The following CLYBL variants were observed in gnomAD, a reference collection of about 807,000 sequenced individuals.
CLYBL encodes citramalyl-CoA lyase.
CLYBL carries 31 observed loss-of-function variants against 38.9 expected under a neutral mutation model. The ratio of observed to expected loss-of-function variants is 0.80; its 90% CI spans 0.60 to 1.08. The LOEUF (loss-of-function observed/expected upper bound fraction) is 1.08. CLYBL is among the 50% of genes least tolerant of loss of function. CLYBL has a pLI of 0.00. For missense variants in CLYBL, 434 were observed against 411.6 expected, an observed-to-expected ratio of 1.05 and a Z score of -0.47; for synonymous variants, 171 against 158.6, an observed-to-expected ratio of 1.08 and a Z score of -0.59.
intron 1 of CLYBL, among the ~76,000 whole-genome samples, chr13:99,695,067 C>T (rs1416077478): frequency 6.6e-6 from 1 of 152,072 alleles, no homozygotes; most frequent in Admixed American, 6.6e-5. Context: ...TTGGGTAAGC[C>T]GCGAATCCCC....
chr13:99,647,359 C>G (rs1487520285), intron 1 of CLYBL, among the ~76,000 whole-genome samples: 1 of 152,106 alleles, frequency 6.6e-6, no homozygotes, highest in Non-Finnish European at 1.5e-5. Flanking sequence ...GGAAGGCTCC[C>G]GCCCCACCTA....
At chr13:99,843,817 G>A (rs2051138753) in intron 2 of CLYBL, among the ~76,000 whole-genome samples, 2 of 152,144 alleles carry the variant, frequency 1.3e-5, no homozygotes, top group Non-Finnish European at 2.9e-5. Context: ...GGCCAGGCTG[G>A]TCTCGAACTC....
chr13:99,763,674 C>G (rs921172419), intron 1 of CLYBL, among the ~76,000 whole-genome samples: 2 of 151,796 alleles, frequency 1.3e-5, no homozygotes, highest in East Asian at 1.9e-4. Flanking sequence ...CCTGCCTAAG[C>G]CTCCCGAATA....
At chr13:99,857,250 G>A (rs544705633) in intron 2 of CLYBL, among the ~76,000 whole-genome samples, 10 of 152,104 alleles carry the variant, frequency 6.6e-5, no homozygotes, top group Non-Finnish European at 1.5e-4. Flanking sequence ...AGGAGGCAGA[G>A]ATTGCAGTGA....
intron 1 of CLYBL, among the ~76,000 whole-genome samples, chr13:99,684,035 A>ATTTTTTTTTTTT (rs778902077): frequency 9.3e-5 from 8 of 86,376 alleles, no homozygotes; most frequent in African/African-American, 1.3e-4. Context: ...TGCCTGGCTA[A>ATTTTTTTTTTTT]TTTTTTTTTT....
chr13:99,829,530 A>G (rs1388193335), intron 2 of CLYBL, among the ~76,000 whole-genome samples: 1 of 152,190 alleles, frequency 6.6e-6, no homozygotes, highest in African/African-American at 2.4e-5. Flanking sequence ...TAATAAAAGC[A>G]GGGTTGTTGT....
chr13:99,634,248 A>G (rs1199516360), intron 1 of CLYBL, among the ~76,000 whole-genome samples: 1 of 152,252 alleles, frequency 6.6e-6, no homozygotes, highest in Admixed American at 6.5e-5. Context: ...TTCTACGTCC[A>G]GCAAAACTAT....
chr13:99,771,809 C>T (rs1409193606), intron 1 of CLYBL, among the ~76,000 whole-genome samples: 1 of 152,254 alleles, frequency 6.6e-6, no homozygotes, highest in Non-Finnish European at 1.5e-5. Context: ...ACTCCTGCTA[C>T]ACCCACGACC....
intron 1 of CLYBL, among the ~76,000 whole-genome samples, chr13:99,771,238 A>T (rs1349677690): frequency 2.0e-5 from 3 of 151,944 alleles, no homozygotes; most frequent in Non-Finnish European, 4.4e-5. Flanking sequence ...GATAGAGCCG[A>T]GATTTTGCTA....
chr13:99,608,073 TTTTTTTTTTTTTTC>T (rs1378587996), intron 1 of CLYBL, among the ~76,000 whole-genome samples: 1 of 120,818 alleles, frequency 8.3e-6, no homozygotes, highest in Admixed American at 7.7e-5. Context: ...TTTTTTTTTT[TTTTTTTTTTTTTTC>T]CGAGATGGAG....
At chr13:99,901,651 T>TG (rs1313020786), downstream of CLYBL, among the ~76,000 whole-genome samples, 4 of 125,638 alleles carry the variant, frequency 3.2e-5, no homozygotes, top group African/African-American at 1.0e-4. Flanking sequence ...TTTTGTTTTT[T>TG]TTTTTTGTTT....
At chr13:99,670,817 T>C (rs1244238069) in intron 1 of CLYBL, among the ~76,000 whole-genome samples, 1 of 152,198 alleles carries the variant, frequency 6.6e-6, no homozygotes, top group Admixed American at 6.5e-5. Flanking sequence ...AACATCTCAA[T>C]ATTTTCCATG....
At chr13:99,832,144 C>T (rs1435952338) in intron 2 of CLYBL, among the ~76,000 whole-genome samples, 1 of 152,216 alleles carries the variant, frequency 6.6e-6, no homozygotes. Flanking sequence ...TTTAACAGCA[C>T]ATTGTGTTCT....
chr13:99,725,422 G>A (rs943130462), intron 1 of CLYBL, among the ~76,000 whole-genome samples: 6 of 152,172 alleles, frequency 3.9e-5, no homozygotes, highest in Non-Finnish European at 7.3e-5. Context: ...CACTGGGGCT[G>A]TTGTGGGAAA....
intron 2 of CLYBL, among the ~76,000 whole-genome samples, chr13:99,806,684 C>T (rs1413355049): frequency 6.6e-6 from 1 of 152,224 alleles, no homozygotes; most frequent in South Asian, 2.1e-4. Flanking sequence ...AGCACAATGC[C>T]TGGCACATGG....
At chr13:99,658,646 G>T (rs2047365844) in intron 1 of CLYBL, among the ~76,000 whole-genome samples, 1 of 152,200 alleles carries the variant, frequency 6.6e-6, no homozygotes, top group Non-Finnish European at 1.5e-5. Flanking sequence ...AAGGAGGTGG[G>T]GTGGGGAGGA....
intron 2 of CLYBL, among the ~76,000 whole-genome samples, chr13:99,807,557 A>G (rs912796455): frequency 2.0e-5 from 3 of 152,166 alleles, no homozygotes; most frequent in Non-Finnish European, 2.9e-5. Flanking sequence ...TGAGTGAAAT[A>G]AGCCAGTCAC....
chr13:99,641,313 G>GT (rs1210336011), intron 1 of CLYBL, among the ~76,000 whole-genome samples: 1 of 152,152 alleles, frequency 6.6e-6, no homozygotes, highest in African/African-American at 2.4e-5. Context: ...TTTAAGTTTG[G>GT]TATTGACATT....
At position 99,721,311 on chromosome 13, in the gene CLYBL, T is replaced by A. The variant is rs996655522; in HGVS notation, c.63-51513T>A. 3.3e-5 allele frequency among the ~76,000 whole-genome samples: 5 copies of A among 152,210 alleles called. No homozygotes were observed. In the East Asian group the frequency reaches 9.6e-4, roughly 29 times the overall value. On this transcript the variant is annotated intron_variant, in intron 1 of 8. Transcript: ENST00000339105. Reference sequence around the variant, plus strand: ...CACCCGCCTCAGCCTCCCAAAGTGCTGGGATTACAGGTGTGAGCCATGACT... The same window carrying A: ...CACCCGCCTCAGCCTCCCAAAGTGCAGGGATTACAGGTGTGAGCCATGACT...
Sources: gnomAD v4.1 joint callset for allele counts (sites outside exome capture counted in the v4.1 genomes callset) on GRCh38, gnomAD v4.1.1 for gene constraint, MANE v1.5 for transcripts, NCBI Gene and HGNC (gene_info 2026-07-23, HGNC 2026-07-21) for gene names.